Variants in DLG2 observed in about 807,000 individuals in gnomAD.
The protein encoded by DLG2 is disks large homolog 2.
In DLG2, 45 loss-of-function variants were observed where a neutral mutation model predicts 132.5. The observed-to-expected ratio is 0.34, with a 90% CI of 0.27 to 0.44. The LOEUF is 0.44. DLG2 is among the 20% of genes least tolerant of loss of function. The probability of loss-of-function intolerance (pLI) is 1.00; values close to 1 mark genes in which losing one functional copy is unlikely to be tolerated. For missense variants in DLG2, 1,045 were observed against 1,196.9 expected (o/e 0.87, Z 1.87); for synonymous variants, 424 against 419.6 (o/e 1.01, Z -0.13).
chr11:85,615,424 G>T (rs1187456520), intron 2 of DLG2, among the ~76,000 whole-genome samples: 3 of 152,092 alleles, frequency 2.0e-5, no homozygotes, highest in African/African-American at 7.2e-5. Context: ...GGCTGAGGCA[G>T]GAGAATCGCT....
intron 11 of DLG2, among the ~76,000 whole-genome samples, chr11:84,051,107 T>A (rs2096367177): frequency 2.0e-5 from 3 of 151,882 alleles, no homozygotes; most frequent in Admixed American, 2.0e-4. Context: ...TGGCGATCAT[T>A]AAAAAGACAG....
intron 8 of DLG2, among the ~76,000 whole-genome samples, chr11:84,183,534 G>C (rs939782043): frequency 5.3e-5 from 8 of 152,054 alleles, no homozygotes; most frequent in Non-Finnish European, 1.0e-4. Flanking sequence ...GAGTTGACAA[G>C]AAAAAACATA....
At chr11:84,016,319 T>C (rs866381485) in intron 11 of DLG2, among the ~76,000 whole-genome samples, 1 of 152,172 alleles carries the variant, frequency 6.6e-6, no homozygotes, top group South Asian at 2.1e-4. Context: ...TTTCTCCTAT[T>C]CTGTAGGTTG....
chr11:85,001,440 G>A (rs11234262), intron 6 of DLG2, among the ~76,000 whole-genome samples: 77,389 of 151,922 alleles, frequency 0.51, 20,091 homozygotes, highest in East Asian at 0.63. Flanking sequence ...GCAATTGTTA[G>A]GTCTTAGAAG....
At chr11:84,184,145 C>A (rs540465815) in intron 8 of DLG2, among the ~76,000 whole-genome samples, 2 of 152,152 alleles carry the variant, frequency 1.3e-5, no homozygotes, top group South Asian at 4.1e-4. Flanking sequence ...CCTGAGGAAT[C>A]GCCACACTGA....
In DLG2 at chr11:84,694,654, C is replaced by A. The variant is rs1467487875; in HGVS notation, c.358-159923G>T. On this transcript the variant is annotated intron_variant, in intron 6 of 27. Coordinates refer to ENST00000376104, the MANE Select transcript of DLG2 (RefSeq NM_001142699.3). ...GAGAATAAGCCATAATTTCAAAAATCTTTCTTCCAAAACCCTTGGATGAAA... is the reference window on the plus strand; with the variant it reads ...GAGAATAAGCCATAATTTCAAAAATATTTCTTCCAAAACCCTTGGATGAAA... 2.0e-5 allele frequency among the ~76,000 whole-genome samples: 3 copies of A among 151,616 alleles called. No homozygotes were observed. The East Asian group carries it at 5.8e-4, about 29-fold the overall frequency.
At chr11:84,877,274 T>A (rs1184709909) in intron 6 of DLG2, among the ~76,000 whole-genome samples, 1 of 152,028 alleles carries the variant, frequency 6.6e-6, no homozygotes, top group East Asian at 1.9e-4. Context: ...TGTCTAATAT[T>A]GACAGTGGGG....
intron 4 of DLG2, among the ~76,000 whole-genome samples, chr11:85,205,312 C>A (rs996393986): frequency 6.6e-6 from 1 of 151,508 alleles, no homozygotes; most frequent in Admixed American, 6.6e-5. Context: ...TGTTCTCAAC[C>A]ATATTTGGGA....
intron 4 of DLG2, among the ~76,000 whole-genome samples, chr11:85,245,467 T>C (rs2076087246): frequency 6.6e-6 from 1 of 151,946 alleles, no homozygotes; most frequent in Non-Finnish European, 1.5e-5. Flanking sequence ...CTTCAGAATA[T>C]ATTGAGAATC....
chr11:83,877,871 T>C lies in DLG2; in HGVS notation c.1497-3383A>G, dbSNP rs569840895. 6.6e-5 allele frequency among the ~76,000 whole-genome samples: 10 copies of C among 152,304 alleles called. No homozygotes were observed. The East Asian group carries it at 1.5e-3, about 23-fold the overall frequency. ...ATGTTTGGAGCTACCTGATGGTGAC[T>C]ACAACTGGTATTTTAAAGAACACCA... On this transcript the variant is annotated intron_variant, in intron 15 of 27. Coordinates refer to ENST00000376104, the MANE Select transcript of DLG2 (RefSeq NM_001142699.3).
chr11:85,391,085 T>C (rs1177889525), intron 3 of DLG2, among the ~76,000 whole-genome samples: 1 of 151,872 alleles, frequency 6.6e-6, no homozygotes, highest in Non-Finnish European at 1.5e-5. Context: ...ATAAGCTCAA[T>C]TAGAGGAAAA....
chr11:84,490,458 T>C (rs879537756), intron 7 of DLG2, among the ~76,000 whole-genome samples: 7 of 152,024 alleles, frequency 4.6e-5, no homozygotes, highest in African/African-American at 1.2e-4. Context: ...AATATCCTTA[T>C]GTGAAAAGCT....
At chr11:84,085,629 T>C (rs1000732911) in intron 10 of DLG2, among the ~76,000 whole-genome samples, 1 of 152,228 alleles carries the variant, frequency 6.6e-6, no homozygotes, top group African/African-American at 2.4e-5. Flanking sequence ...GAGATTCCTA[T>C]GTCTCCTGCC....
chr11:84,901,664 T>A (rs1333175045), intron 6 of DLG2, among the ~76,000 whole-genome samples: 1 of 152,122 alleles, frequency 6.6e-6, no homozygotes, highest in South Asian at 2.1e-4. Context: ...TAATAATGTG[T>A]TTTAACAGCT....
chr11:83,798,755 GATAGGAAGATGAACAGAT>G (rs891682422), intron 17 of DLG2, among the ~76,000 whole-genome samples: 1 of 152,120 alleles, frequency 6.6e-6, no homozygotes, highest in African/African-American at 2.4e-5. Context: ...AGAGACCATG[GATAGGAAGATGAACAGAT>G]GTATTACAGT....
At chr11:85,102,920 G>C (rs1372667325) in intron 6 of DLG2, among the ~76,000 whole-genome samples, 4 of 151,894 alleles carry the variant, frequency 2.6e-5, no homozygotes, top group African/African-American at 9.7e-5. Context: ...TAGTAAGTTT[G>C]GTAAGGTTGC....
chr11:85,065,878 A>T (rs1349909713), intron 6 of DLG2, among the ~76,000 whole-genome samples: 1 of 151,562 alleles, frequency 6.6e-6, no homozygotes, highest in East Asian at 1.9e-4. Flanking sequence ...AAAGATCTCA[A>T]ATTAACGATT....
intron 6 of DLG2, among the ~76,000 whole-genome samples, chr11:84,860,346 T>G (rs1482505011): frequency 6.6e-6 from 1 of 152,128 alleles, no homozygotes; most frequent in Non-Finnish European, 1.5e-5. Flanking sequence ...TGGGGACAAG[T>G]ACAATAGCAG....
intron 14 of DLG2, among the ~76,000 whole-genome samples, chr11:83,946,302 T>C (rs747545353): frequency 6.6e-6 from 1 of 152,172 alleles, no homozygotes; most frequent in African/African-American, 2.4e-5. Flanking sequence ...TCTGGTAATA[T>C]GATTTTCTGA....
Sources: allele counts gnomAD v4.1 joint callset (sites outside exome capture counted in the v4.1 genomes callset), GRCh38; gene constraint gnomAD v4.1.1; transcripts MANE v1.5; gene names NCBI Gene and HGNC (gene_info 2026-07-23, HGNC 2026-07-21).